The following LIPA variants were observed in gnomAD, a reference collection of about 807,000 sequenced individuals.
The protein encoded by LIPA is lipase A, lysosomal acid type, also known as lysosomal acid lipase/cholesteryl ester hydrolase.
Under a neutral mutation model 40.6 loss-of-function variants are expected in LIPA, and 26 were observed. That is an observed-to-expected ratio of 0.64 (90% CI 0.47 to 0.89). The LOEUF (loss-of-function observed/expected upper bound fraction) is 0.89, where lower values mean the gene tolerates loss of function less well. Among genes scored for constraint, LIPA ranks in the 40% least tolerant of loss-of-function variants. The pLI, the probability that LIPA is intolerant of heterozygous loss-of-function variation, is 0.00. For missense variants in LIPA, 455 were observed against 479.6 expected (o/e 0.95, Z 0.48); for synonymous variants, 188 against 168.4 (o/e 1.12, Z -0.90).
At chr10:89,302,651 G>A (rs1843452528) in intron 1 of LIPA, among the ~76,000 whole-genome samples, 1 of 152,160 alleles carries the variant, frequency 6.6e-6, no homozygotes, top group Non-Finnish European at 1.5e-5. Context: ...TTGCACAAGG[G>A]CTGGTAAACT....
intron 1 of LIPA, among the ~76,000 whole-genome samples, chr10:89,301,566 C>T (rs1470611183): frequency 6.6e-6 from 1 of 152,182 alleles, no homozygotes; most frequent in African/African-American, 2.4e-5. Flanking sequence ...TACTCAAGAG[C>T]ATTTTGGGGT....
rs1842596457 is a variant in LIPA, at chr10:89,214,655, T to C, written c.*173A>G. The C allele has an allele frequency of 1.7e-6, 1 of 591,964 alleles. No homozygotes were observed. Among genetic ancestry groups the C allele is most frequent in the Admixed American group, 3.0e-5 (1 of 33,528 alleles). The allele number at this position is 591,964 out of a possible 1,614,324, so 36.7% of individuals were successfully genotyped here. On this transcript the variant is annotated 3_prime_UTR_variant, in exon 10 of 10. Coordinates refer to ENST00000336233, the MANE Select transcript of LIPA (RefSeq NM_000235.4). ...CCCTAATTAAAGAAAAAATAGCTAGTATGTTTCTAATTGAAACTAGAGTGA... is the reference window on the plus strand; with the variant it reads ...CCCTAATTAAAGAAAAAATAGCTAGCATGTTTCTAATTGAAACTAGAGTGA...
intron 1 of LIPA, among the ~76,000 whole-genome samples, chr10:89,322,448 G>A (rs965196956): frequency 1.3e-4 from 18 of 141,060 alleles, no homozygotes; most frequent in Non-Finnish European, 1.6e-4. Context: ...GTGGATCCAG[G>A]AGAATTTCTC....
chr10:89,237,145 T>C (rs1842914964), intron 3 of LIPA, among the ~76,000 whole-genome samples: 1 of 152,174 alleles, frequency 6.6e-6, no homozygotes, highest in South Asian at 2.1e-4. Flanking sequence ...CGAGTATGGT[T>C]GGCACATGTC....
chr10:89,413,976 T>C (rs1031669701), intron 1 of LIPA, among the ~76,000 whole-genome samples: 2 of 152,242 alleles, frequency 1.3e-5, no homozygotes, highest in African/African-American at 2.4e-5. Flanking sequence ...GTTTAAGGTA[T>C]GGGTGTTTGA....
chr10:89,331,278 T>A (rs1051775864), intron 1 of LIPA, among the ~76,000 whole-genome samples: 1 of 152,072 alleles, frequency 6.6e-6, no homozygotes, highest in Non-Finnish European at 1.5e-5. Flanking sequence ...GCTCAAGGGA[T>A]TCTCCCACCC....
intron 2 of LIPA, among the ~76,000 whole-genome samples, chr10:89,394,604 A>ATATATATATATATTT (rs1844311405): frequency 2.1e-5 from 1 of 48,140 alleles, no homozygotes; most frequent in African/African-American, 2.3e-4. Flanking sequence ...ATATATATAT[A>ATATATATATATATTT]TATATATATA....
At chr10:89,359,813 TCTCACA>T (rs1353278412) in intron 2 of LIPA, among the ~76,000 whole-genome samples, 4 of 128,426 alleles carry the variant, frequency 3.1e-5, no homozygotes, top group African/African-American at 8.6e-5. Flanking sequence ...TCTCTCTCTC[TCTCACA>T]CACACACACA....
intron 1 of LIPA, among the ~76,000 whole-genome samples, chr10:89,294,352 T>G (rs986488645): frequency 6.6e-6 from 1 of 152,210 alleles, no homozygotes; most frequent in African/African-American, 2.4e-5. Context: ...TATGGACACA[T>G]GGTTCTGGAG....
intron 1 of LIPA, among the ~76,000 whole-genome samples, chr10:89,304,524 T>A (rs1374792724): frequency 6.6e-6 from 1 of 152,138 alleles, no homozygotes; most frequent in Non-Finnish European, 1.5e-5. Flanking sequence ...ACATTCCAGA[T>A]ATCTATTGGT....
At chr10:89,271,778 T>C (rs1437140933) in intron 1 of LIPA, among the ~76,000 whole-genome samples, 3 of 152,098 alleles carry the variant, frequency 2.0e-5, no homozygotes, top group African/African-American at 7.2e-5. Flanking sequence ...AAGGAAGTCA[T>C]AGGCTGGGCT....
At chr10:89,240,555 A>G (rs1166822358) in intron 3 of LIPA, among the ~76,000 whole-genome samples, 1 of 152,224 alleles carries the variant, frequency 6.6e-6, no homozygotes, top group Non-Finnish European at 1.5e-5. Context: ...AAATTTTCAC[A>G]ACAGCCTACG....
Position 89,295,005 on chromosome 10 carries a change from G to GGACAGGAAAT in LIPA, c.-1-47357_-1-47356insATTTCCTGTC, listed in dbSNP as rs1386184666. Among the ~76,000 whole-genome samples the GGACAGGAAAT allele has an allele frequency of 4.7e-5, 4 of 85,522 alleles. No homozygotes were observed. In the East Asian group the frequency reaches 1.2e-3, roughly 26 times the overall value. 56.1% of individuals were successfully genotyped at this position (85,522 alleles called of 152,430 possible). ...AAGAAAAAAGAAAAAAAGGAAGAAA[G>GGACAGGAAAT]GAAAGGAAATGAAATGAAAGGAAAG... On this transcript the variant is annotated intron_variant, in intron 1 of 5. Transcript: ENST00000282673.
chr10:89,259,004 G>T (rs2133485347), intron 1 of LIPA, among the ~76,000 whole-genome samples: 1 of 152,314 alleles, frequency 6.6e-6, no homozygotes, highest in South Asian at 2.1e-4. Flanking sequence ...AATCTCTGCA[G>T]ACAGCAAGTA....
chr10:89,334,175 A>C (rs534837329), intron 1 of LIPA, among the ~76,000 whole-genome samples: 1 of 152,298 alleles, frequency 6.6e-6, no homozygotes, highest in Non-Finnish European at 1.5e-5. Context: ...ACTGGGAAGG[A>C]GATGTGGTAT....
At chr10:89,403,179 A>G (rs1324224460) in intron 2 of LIPA, 4 of 1,613,902 alleles carry the variant, frequency 2.5e-6, no homozygotes, top group Non-Finnish European at 3.4e-6. Flanking sequence ...AATGATCCAA[A>G]TCAAGGAGGC....
At chr10:89,292,513 G>T (rs527928787) in intron 1 of LIPA, 1 of 152,256 alleles carries the variant, frequency 6.6e-6, no homozygotes, top group Non-Finnish European at 1.5e-5. Flanking sequence ...GGTATTCAAA[G>T]ATGGTAAATG....
intron 8 of LIPA, among the ~76,000 whole-genome samples, chr10:89,220,863 T>G (rs1216385980): frequency 6.6e-6 from 1 of 152,166 alleles, no homozygotes; most frequent in Non-Finnish European, 1.5e-5. Flanking sequence ...GGCAGATTTT[T>G]TAAAAATGCA....
At chr10:89,399,879 G>C (rs1383586925) in intron 2 of LIPA, among the ~76,000 whole-genome samples, 3 of 152,142 alleles carry the variant, frequency 2.0e-5, no homozygotes, top group Non-Finnish European at 2.9e-5. Flanking sequence ...CTCTCTCTCT[G>C]TGCCACTGAG....
Sources: allele counts gnomAD v4.1 joint callset (sites outside exome capture counted in the v4.1 genomes callset), GRCh38; gene constraint gnomAD v4.1.1; transcripts MANE v1.5; gene names NCBI Gene and HGNC (gene_info 2026-07-23, HGNC 2026-07-21).